Variants in LRRK1 observed in about 807,000 individuals in gnomAD.
LRRK1 encodes leucine rich repeat kinase 1, also known as leucine-rich repeat serine/threonine-protein kinase 1.
A neutral mutation model predicts 209.1 loss-of-function variants in LRRK1; 113 were observed. The ratio of observed to expected loss-of-function variants is 0.54; its 90% CI spans 0.46 to 0.63. The LOEUF (loss-of-function observed/expected upper bound fraction) is 0.63, where lower values mean the gene tolerates loss of function less well. LRRK1 is among the 30% of genes least tolerant of loss of function. LRRK1 has a pLI of 0.00. For missense variants in LRRK1, 2,284 were observed against 2,632.2 expected (o/e 0.87, Z 2.89); for synonymous variants, 1,144 against 1,099.7 (o/e 1.04, Z -0.80).
intron 2 of LRRK1, among the ~76,000 whole-genome samples, chr15:100,944,785 A>C (rs1256769076): frequency 6.6e-6 from 1 of 152,226 alleles, no homozygotes; most frequent in African/African-American, 2.4e-5. Flanking sequence ...CCTTGCCAAT[A>C]TGTTAAAACT....
At chr15:101,003,026 C>T (rs2032775855) in intron 6 of LRRK1, among the ~76,000 whole-genome samples, 1 of 152,240 alleles carries the variant, frequency 6.6e-6, no homozygotes, top group Non-Finnish European at 1.5e-5. Context: ...GCCACTGCGC[C>T]CAGCCCTGGA....
intron 6 of LRRK1, among the ~76,000 whole-genome samples, chr15:100,993,714 GA>G (rs1420447010): frequency 6.6e-6 from 1 of 152,160 alleles, no homozygotes; most frequent in Non-Finnish European, 1.5e-5. Flanking sequence ...AATCTCATCT[GA>G]GTGTGTTTCT....
intron 2 of LRRK1, among the ~76,000 whole-genome samples, chr15:100,949,012 T>A (rs1378723150): frequency 6.6e-6 from 1 of 151,592 alleles, no homozygotes; most frequent in Non-Finnish European, 1.5e-5. Context: ...AGGAAGGAAA[T>A]AACAAAAATT....
At chr15:101,020,136 C>T (rs1199767560) in intron 12 of LRRK1, among the ~76,000 whole-genome samples, 1 of 152,126 alleles carries the variant, frequency 6.6e-6, no homozygotes, top group African/African-American at 2.4e-5. Flanking sequence ...TAGCAAAGGG[C>T]ATGGGATAAA....
At chr15:100,939,953 C>T (rs1596170283) in intron 2 of LRRK1, among the ~76,000 whole-genome samples, 1 of 152,234 alleles carries the variant, frequency 6.6e-6, no homozygotes, top group African/African-American at 2.4e-5. Flanking sequence ...CGCTGTTCCT[C>T]TTTTGCCAGT....
intron 2 of LRRK1, among the ~76,000 whole-genome samples, chr15:100,936,904 A>C (rs985950718): frequency 6.6e-6 from 1 of 152,256 alleles, no homozygotes; most frequent in Non-Finnish European, 1.5e-5. Context: ...AAATATTTTC[A>C]TACTATGCCA....
chr15:101,025,066 G>C, intron 16 of LRRK1, 99 bp downstream of exon 16: 4 of 1,230,648 alleles, frequency 3.3e-6, no homozygotes, highest in Non-Finnish European at 4.4e-6. Flanking sequence ...AAAAAAGGGG[G>C]TTATGTTGCC....
At chr15:101,003,824 C>G (rs946629386) in intron 6 of LRRK1, among the ~76,000 whole-genome samples, 3 of 152,172 alleles carry the variant, frequency 2.0e-5, no homozygotes, top group Non-Finnish European at 4.4e-5. Context: ...CCCAGCCCAC[C>G]TTGTACTTCC....
chr15:100,945,194 G>A (rs1213100573), intron 2 of LRRK1, among the ~76,000 whole-genome samples: 2 of 152,190 alleles, frequency 1.3e-5, no homozygotes, highest in African/African-American at 2.4e-5. Context: ...GATGGGTCAC[G>A]GGGCATATAT....
At chr15:100,989,123 G>T in intron 5 of LRRK1, 127 bp from the exon 6 acceptor site, 1 of 867,666 alleles carries the variant, frequency 1.2e-6, no homozygotes. Flanking sequence ...ACCAAGGGAA[G>T]TAAATAGAGA....
In LRRK1 at chr15:100,928,749, G is replaced by T. The variant is rs537971201; in HGVS notation, c.97+4020G>T. On this transcript the variant is annotated intron_variant, in intron 2 of 33. Coordinates refer to ENST00000388948, the MANE Select transcript of LRRK1 (RefSeq NM_024652.6). ...TCACACCCCCTACCTGTTGTGACTT[G>T]CGTGACCTCAGCTCATGTTTGTTTA... Among the ~76,000 whole-genome samples the T allele has an allele frequency of 2.2e-4, 34 of 152,222 alleles. No homozygotes were observed. The South Asian group carries it at 6.6e-3, about 30-fold the overall frequency.
In LRRK1 at chr15:101,026,847, C is replaced by T. The variant is rs887617067; in HGVS notation, c.2406-414C>T. On this transcript the variant is annotated intron_variant, in intron 17 of 33. Transcript: ENST00000388948. The stretch of plus-strand genomic sequence containing the variant: ...ATGGGTCAGCCTGGGACACATTGGC[C>T]TGGCTCGGAATACAGGATGAGGCTG... Among the ~76,000 whole-genome samples, 3 of 152,206 alleles carry T rather than the reference C, an allele frequency of 2.0e-5. 1 individual carries two copies. The South Asian group carries it at 6.2e-4, about 31-fold the overall frequency.
chr15:101,052,879 T>A (rs1216620226), intron 24 of LRRK1, 43 bp from the exon 25 acceptor site: 4 of 1,584,654 alleles, frequency 2.5e-6, no homozygotes, highest in Non-Finnish European at 3.5e-6. Context: ...CCCACCCGCA[T>A]CAGGGCGGGG....
intron 12 of LRRK1, among the ~76,000 whole-genome samples, chr15:101,017,292 A>G (rs2033583554): frequency 6.6e-6 from 1 of 152,130 alleles, no homozygotes; most frequent in South Asian, 2.1e-4. Flanking sequence ...TCTTGGATGA[A>G]CTGGTGTGCT....
chr15:101,066,864 C>T (rs541576835), intron 33 of LRRK1, 123 bp downstream of exon 33: 4 of 893,168 alleles, frequency 4.5e-6, no homozygotes, highest in South Asian at 3.1e-5. Context: ...TAGCCACTAA[C>T]GTGGCTGTAA....
chr15:101,049,810 C>T (rs760641339), intron 23 of LRRK1, 27 bp downstream of exon 23: 42 of 1,600,954 alleles, frequency 2.6e-5, no homozygotes, highest in Admixed American at 5.2e-5. Context: ...GAAGCAAGCC[C>T]TCATTCATGC....
At chr15:100,959,510 G>A (rs986477198) in intron 2 of LRRK1, among the ~76,000 whole-genome samples, 1 of 152,182 alleles carries the variant, frequency 6.6e-6, no homozygotes, top group Non-Finnish European at 1.5e-5. Context: ...AGCATGGAAA[G>A]CGTAAGGGCT....
rs189001858 is a variant in LRRK1 at position 101,025,399 on chromosome 15, C to T, written c.2232+432C>T. Among the ~76,000 whole-genome samples, 145 of 152,340 alleles carry T rather than the reference C, an allele frequency of 9.5e-4. No homozygotes were observed. In the East Asian group the frequency reaches 0.026, roughly 27 times the overall value. On this transcript the variant is annotated intron_variant, in intron 16 of 33. Coordinates refer to ENST00000388948, the MANE Select transcript of LRRK1 (RefSeq NM_024652.6). ...TCAGGTTCACGGAGAATGAGGAGCA[C>T]AGGTGCTGCCTGGGCTGACATCCTG...
chr15:100,924,372 C>G, intron 1 of LRRK1, 139 bp from the exon 2 acceptor site: 1 of 480,770 alleles, frequency 2.1e-6, no homozygotes, highest in Non-Finnish European at 3.8e-6. Context: ...ACTGACCACA[C>G]CTGATGGGTT....
Sources: gnomAD v4.1 joint callset for allele counts (sites outside exome capture counted in the v4.1 genomes callset) on GRCh38, gnomAD v4.1.1 for gene constraint, MANE v1.5 for transcripts, NCBI Gene and HGNC (gene_info 2026-07-23, HGNC 2026-07-21) for gene names.